The following ESRRG variants were observed in gnomAD, a reference collection of about 807,000 sequenced individuals.
ESRRG encodes estrogen related receptor gamma, also known as estrogen-related receptor gamma.
Under a neutral mutation model 44.0 loss-of-function variants are expected in ESRRG, and 13 were observed. The observed-to-expected ratio is 0.30, with a 90% CI of 0.19 to 0.47. The LOEUF (loss-of-function observed/expected upper bound fraction) is 0.47. ESRRG is among the 20% of genes least tolerant of loss of function. The pLI is 1.00. For synonymous variants in ESRRG, 215 were observed against 214.6 expected, an observed-to-expected ratio of 1.00 and a Z score of -0.02; for missense variants, 395 against 580.6, an observed-to-expected ratio of 0.68 and a Z score of 3.29.
At chr1:216,794,855 G>A (rs1159520561) in intron 2 of ESRRG, among the ~76,000 whole-genome samples, 2 of 152,150 alleles carry the variant, frequency 1.3e-5, no homozygotes, top group African/African-American at 4.8e-5. Context: ...TACCTTCAGG[G>A]AACATGAACC....
intron 1 of ESRRG, chr1:216,714,964 T>C (rs2084506223): frequency 8.9e-6 from 4 of 449,836 alleles, no homozygotes; most frequent in Non-Finnish European, 1.2e-5. Context: ...TTCCTGACCC[T>C]AGGAAAGAAT....
chr1:216,821,187 G>T (rs1214707183), intron 2 of ESRRG, among the ~76,000 whole-genome samples: 1 of 152,120 alleles, frequency 6.6e-6, no homozygotes, highest in Non-Finnish European at 1.5e-5. Flanking sequence ...TACCTTACTT[G>T]CTCCCTCCTT....
At chr1:216,763,854 T>C (rs1476394760) in intron 2 of ESRRG, among the ~76,000 whole-genome samples, 4 of 152,286 alleles carry the variant, frequency 2.6e-5, no homozygotes, top group Non-Finnish European at 5.9e-5. Flanking sequence ...TAATGGCCTA[T>C]GTAGGTTTGT....
intron 1 of ESRRG, among the ~76,000 whole-genome samples, chr1:217,081,030 C>A (rs1208872015): frequency 6.6e-6 from 1 of 151,872 alleles, no homozygotes; most frequent in Non-Finnish European, 1.5e-5. Context: ...TGATCATTAT[C>A]TTATAAATCA....
At chr1:216,927,468 T>C (rs2062746920) in intron 2 of ESRRG, among the ~76,000 whole-genome samples, 2 of 152,110 alleles carry the variant, frequency 1.3e-5, no homozygotes, top group Non-Finnish European at 2.9e-5. Context: ...CAAGGATGGA[T>C]CCAAGGGGCT....
At chr1:216,573,214 A>G (rs2061129718) in intron 3 of ESRRG, among the ~76,000 whole-genome samples, 1 of 152,002 alleles carries the variant, frequency 6.6e-6, no homozygotes, top group Non-Finnish European at 1.5e-5. Flanking sequence ...TTCAACTGTA[A>G]TAACATAATA....
At chr1:216,749,928 C>T (rs2091841247) in intron 2 of ESRRG, among the ~76,000 whole-genome samples, 1 of 152,056 alleles carries the variant, frequency 6.6e-6, no homozygotes, top group African/African-American at 2.4e-5. Flanking sequence ...TAAATTGCAC[C>T]TTTTTTCTGA....
chr1:216,579,079 C>G (rs1009548362), intron 3 of ESRRG, among the ~76,000 whole-genome samples: 1 of 152,058 alleles, frequency 6.6e-6, no homozygotes, highest in African/African-American at 2.4e-5. Flanking sequence ...AGCAATGTTT[C>G]CTGTTCAATT....
intron 2 of ESRRG, among the ~76,000 whole-genome samples, chr1:216,779,467 T>TAA (rs1559607081): frequency 1.2e-4 from 8 of 64,474 alleles, no homozygotes; most frequent in Non-Finnish European, 1.3e-4. Flanking sequence ...TAAATATAAA[T>TAA]ATATATTTAT....
chr1:217,094,867 C>A (rs553329518), intron 1 of ESRRG, among the ~76,000 whole-genome samples: 1 of 152,310 alleles, frequency 6.6e-6, no homozygotes, highest in East Asian at 1.9e-4. Context: ...CACCAAAGAC[C>A]AAATTCATTC....
At chr1:216,578,045 G>A (rs909918981) in intron 3 of ESRRG, among the ~76,000 whole-genome samples, 2 of 151,982 alleles carry the variant, frequency 1.3e-5, no homozygotes, top group Non-Finnish European at 2.9e-5. Context: ...CATGATGTTT[G>A]ATAATATTTC....
chr1:216,734,483 T>A (rs2089491530), intron 2 of ESRRG, among the ~76,000 whole-genome samples: 1 of 152,076 alleles, frequency 6.6e-6, no homozygotes, highest in African/African-American at 2.4e-5. Flanking sequence ...AATTTAAAAG[T>A]GTGTAGCACC....
chr1:216,712,797 G>C (rs1009367712), intron 1 of ESRRG, among the ~76,000 whole-genome samples: 3 of 152,214 alleles, frequency 2.0e-5, no homozygotes, highest in Non-Finnish European at 4.4e-5. Flanking sequence ...CCTGCAGTAA[G>C]TACTTAAATT....
chr1:217,067,428 A>G (rs1270444940), intron 1 of ESRRG, among the ~76,000 whole-genome samples: 1 of 152,196 alleles, frequency 6.6e-6, no homozygotes, highest in Non-Finnish European at 1.5e-5. Context: ...GCTGTTGCAC[A>G]TATGATAACT....
intron 2 of ESRRG, among the ~76,000 whole-genome samples, chr1:216,739,500 G>A (rs556109622): frequency 9.2e-5 from 14 of 152,224 alleles, no homozygotes; most frequent in African/African-American, 2.4e-4. Context: ...TCATTTGATC[G>A]TCTGATGACT....
chr1:216,519,278 G>T lies in ESRRG; in HGVS notation c.1006C>A (p.Gln336Lys), dbSNP rs756008892. The change falls in exon 6 of 7, where the codon CAG (glutamine) becomes AAG (lysine). Residue 336 changes from glutamine to lysine, a missense_variant. Physicochemically the swap from Gln to Lys is moderately conservative, Grantham distance 53. Coordinates refer to ENST00000408911, the MANE Select transcript of ESRRG (RefSeq NM_001438.4). Reference sequence around the variant, plus strand: ...TCAAGAAGGCCTGCTAATTTGGACTGGTCTTCGTCCATTATATAATCGTCT... The same window carrying T: ...TCAAGAAGGCCTGCTAATTTGGACTTGTCTTCGTCCATTATATAATCGTCT... ...YADDYIMDED[Q>K]SKLAGLLDLN... 1 of 1,613,836 alleles carries T rather than the reference G, an allele frequency of 6.2e-7. No homozygotes were observed. Among genetic ancestry groups the T allele is most frequent in the Non-Finnish European group, 8.5e-7 (1 of 1,179,846 alleles).
At chr1:216,951,717 ATGTGTG>A (rs59233267) in intron 1 of ESRRG, among the ~76,000 whole-genome samples, 47,717 of 143,500 alleles carry the variant, frequency 0.33, 7,896 homozygotes, top group Middle Eastern at 0.45. Flanking sequence ...AACTATCACT[ATGTGTG>A]TGTGTGTGTG....
chr1:216,913,910 G>A (rs2060807716), intron 2 of ESRRG, among the ~76,000 whole-genome samples: 1 of 152,106 alleles, frequency 6.6e-6, no homozygotes, highest in Non-Finnish European at 1.5e-5. Flanking sequence ...TTATATCTAG[G>A]GGAATTAGGA....
At chr1:216,605,364 T>A (rs1271714133) in intron 3 of ESRRG, among the ~76,000 whole-genome samples, 1 of 151,836 alleles carries the variant, frequency 6.6e-6, no homozygotes, top group Non-Finnish European at 1.5e-5. Flanking sequence ...TGCAAAAGAT[T>A]ATCAATCATT....
Sources: allele counts gnomAD v4.1 joint callset (sites outside exome capture counted in the v4.1 genomes callset), GRCh38; gene constraint gnomAD v4.1.1; transcripts MANE v1.5; gene names NCBI Gene and HGNC (gene_info 2026-07-23, HGNC 2026-07-21).